The following PAAF1 variants were observed in gnomAD, a reference collection of about 807,000 sequenced individuals.
The protein encoded by PAAF1 is proteasomal ATPase-associated factor 1.
Under a neutral mutation model 52.8 loss-of-function variants are expected in PAAF1, and 46 were observed. That is an observed-to-expected ratio of 0.87 (90% CI 0.69 to 1.11). The LOEUF (loss-of-function observed/expected upper bound fraction) is 1.11, where lower values mean the gene tolerates loss of function less well. Ranked by LOEUF, PAAF1 falls within the 50% of genes most tolerant of loss-of-function variation. PAAF1 has a pLI of 0.00. For synonymous variants in PAAF1, 178 were observed against 172.8 expected (o/e 1.03, Z -0.24); for missense variants, 424 against 477.4 (o/e 0.89, Z 1.04).
At chr11:73,898,305 A>G (rs1464238210) in intron 4 of PAAF1, among the ~76,000 whole-genome samples, 2 of 152,142 alleles carry the variant, frequency 1.3e-5, no homozygotes, top group African/African-American at 4.8e-5. Flanking sequence ...GGTGCATCTT[A>G]GAACATTATC....
At chr11:73,907,990 G>GT (rs1174396870) in intron 6 of PAAF1, among the ~76,000 whole-genome samples, 1 of 152,060 alleles carries the variant, frequency 6.6e-6, no homozygotes, top group East Asian at 1.9e-4. Context: ...TTGCTGTGTT[G>GT]TTTTTTAAGT....
rs1311935735 is a variant in PAAF1 at position 73,930,737 on chromosome 11, ACTCT to A, written c.*3381_*3384del. The A allele has an allele frequency of 6.7e-6, 1 of 149,738 alleles. No individual in the cohort carries two copies. Among genetic ancestry groups the A allele is most frequent in the African/African-American group, 2.5e-5 (1 of 40,756 alleles). The allele number at this position is 149,738 out of a possible 1,614,324, so 9.3% of individuals were successfully genotyped here. The stretch of plus-strand genomic sequence containing the variant: ...ACTCCAGCTTGGGCAACAGAGCGAG[ACTCT>A]CTCTCAAAAAAGAAAAAAAAAATAT... On this transcript the variant is annotated 3_prime_UTR_variant, in exon 12 of 12. Transcript: ENST00000310571.
At chr11:73,900,173 T>G in intron 5 of PAAF1, 97 bp from the exon 6 acceptor site, 1 of 1,294,444 alleles carries the variant, frequency 7.7e-7, no homozygotes, top group South Asian at 1.6e-5. Flanking sequence ...GGGTTTAGCA[T>G]GTAGGTATTT....
At chr11:73,899,268 A>G (rs1480837932) in intron 5 of PAAF1, 24 bp downstream of exon 5, 5 of 1,588,640 alleles carry the variant, frequency 3.1e-6, no homozygotes, top group Non-Finnish European at 4.3e-6. Flanking sequence ...ATGTACTTTT[A>G]GGTCTTAAAC....
intron 6 of PAAF1, among the ~76,000 whole-genome samples, chr11:73,902,925 T>C (rs1217341408): frequency 6.6e-6 from 1 of 152,200 alleles, no homozygotes; most frequent in Non-Finnish European, 1.5e-5. Context: ...GGTCTCAAAC[T>C]CCTGACCTTG....
At chr11:73,877,961 T>G (rs541550769) in intron 1 of PAAF1, among the ~76,000 whole-genome samples, 25 of 152,350 alleles carry the variant, frequency 1.6e-4, no homozygotes, top group African/African-American at 6.0e-4. Flanking sequence ...ATTGATCTTA[T>G]ACTATTCCAG....
At chr11:73,907,158 G>A (rs1399162637) in intron 6 of PAAF1, among the ~76,000 whole-genome samples, 1 of 151,670 alleles carries the variant, frequency 6.6e-6, no homozygotes, top group Non-Finnish European at 1.5e-5. Flanking sequence ...TGAGGCTAGG[G>A]ACCATAGCAA....
intron 7 of PAAF1, among the ~76,000 whole-genome samples, chr11:73,910,474 A>G (rs1280001030): frequency 6.6e-6 from 1 of 152,114 alleles, no homozygotes; most frequent in Non-Finnish European, 1.5e-5. Flanking sequence ...CTGGGCTAGA[A>G]AGTTGAATTA....
Position 73,927,301 on chromosome 11 carries a change from A to G in PAAF1, c.1118A>G (p.Lys373Arg). 1 of 1,586,856 alleles carries G rather than the reference A, an allele frequency of 6.3e-7. No individual in the cohort carries two copies. The highest frequency in any genetic ancestry group is 8.6e-7 in the Non-Finnish European group (1 of 1,167,214). ...GTGTTTTAGGTAGCCACATGGGAGA[A>G]GCAGATCTACACATGCTGTCGAGAC... is the stretch of plus-strand genomic sequence containing the variant. The part of the protein sequence containing the change: ...DPVYKVATWE[K>R]QIYTCCRDGL... The change falls in exon 12 of 12, where the codon AAG (lysine) becomes AGG (arginine). Residue 373 changes from lysine (K) to arginine (R), a missense_variant. Transcript: ENST00000310571.
chr11:73,903,161 T>C (rs1054991164), intron 6 of PAAF1, among the ~76,000 whole-genome samples: 2 of 152,200 alleles, frequency 1.3e-5, no homozygotes, highest in African/African-American at 2.4e-5. Flanking sequence ...CGGAATGATA[T>C]ACTTTAGAAG....
At chr11:73,895,176 G>T (rs1462845193) in intron 4 of PAAF1, among the ~76,000 whole-genome samples, 1 of 152,228 alleles carries the variant, frequency 6.6e-6, no homozygotes, top group Non-Finnish European at 1.5e-5. Context: ...ATTTGCTGAT[G>T]ACTTGGATGT....
At chr11:73,911,784 C>T (rs937171220) in intron 7 of PAAF1, among the ~76,000 whole-genome samples, 1 of 151,954 alleles carries the variant, frequency 6.6e-6, no homozygotes, top group African/African-American at 2.4e-5. Flanking sequence ...CGGGTGCCCA[C>T]CACCATGCCT....
At chr11:73,909,856 G>A (rs138738477) in intron 7 of PAAF1, among the ~76,000 whole-genome samples, 9 of 152,178 alleles carry the variant, frequency 5.9e-5, no homozygotes, top group African/African-American at 2.2e-4. Context: ...AGGGGTGTCC[G>A]ATCTTTTGGC....
intron 4 of PAAF1, among the ~76,000 whole-genome samples, chr11:73,892,455 A>G (rs1338905098): frequency 6.6e-6 from 1 of 152,166 alleles, no homozygotes; most frequent in Non-Finnish European, 1.5e-5. Flanking sequence ...CTGTATCCTA[A>G]AGATAACTGT....
chr11:73,926,538 T>C (rs2135242567), intron 11 of PAAF1, among the ~76,000 whole-genome samples: 1 of 152,260 alleles, frequency 6.6e-6, no homozygotes, highest in South Asian at 2.1e-4. Flanking sequence ...TGAAACCCTG[T>C]CTCTACTAAC....
chr11:73,904,717 C>T (rs7122397), intron 6 of PAAF1, among the ~76,000 whole-genome samples: 8,597 of 152,170 alleles, frequency 0.056, 268 homozygotes, highest in Middle Eastern at 0.099. Flanking sequence ...AACATTAAAA[C>T]AGCTTAATAT....
In PAAF1 at chr11:73,909,460, G is replaced by A. The variant is rs774062055; in HGVS notation, c.594G>A (p.Gly198=). The A allele has an allele frequency of 3.7e-6, 6 of 1,614,158 alleles. No homozygotes were observed. Among genetic ancestry groups the A allele is most frequent in the Non-Finnish European group, 5.1e-6 (6 of 1,180,034 alleles). The part of the protein sequence containing the change: ...GRNVVSASRD[G]TARLWDCGRS... ...ATGTGGTGTCTGCTTCTCGAGATGGGACAGCACGACTTTGGGATTGTGGGC... is the reference window on the plus strand; with the variant it reads ...ATGTGGTGTCTGCTTCTCGAGATGGAACAGCACGACTTTGGGATTGTGGGC... The change falls in exon 7 of 12, where the codon GGG becomes GGA. Residue 198 remains glycine (G), a synonymous_variant. Coordinates refer to ENST00000310571, the MANE Select transcript of PAAF1 (RefSeq NM_025155.3).
intron 6 of PAAF1, among the ~76,000 whole-genome samples, chr11:73,902,151 T>A (rs1051011690): frequency 2.0e-5 from 3 of 152,180 alleles, no homozygotes; most frequent in African/African-American, 7.2e-5. Flanking sequence ...TATGAGCCAC[T>A]GCGCCTGGCC....
chr11:73,893,427 C>T (rs1376662537), intron 4 of PAAF1, among the ~76,000 whole-genome samples: 4 of 151,808 alleles, frequency 2.6e-5, no homozygotes, highest in Non-Finnish European at 4.4e-5. Context: ...ATGTGAAAAG[C>T]GGAAAGCAGT....
Sources: gnomAD v4.1 joint callset for allele counts (sites outside exome capture counted in the v4.1 genomes callset) on GRCh38, gnomAD v4.1.1 for gene constraint, MANE v1.5 for transcripts, NCBI Gene and HGNC (gene_info 2026-07-23, HGNC 2026-07-21) for gene names.